TGM2: variants seen among roughly 807,000 people sequenced by gnomAD.
TGM2 encodes protein-glutamine gamma-glutamyltransferase 2.
In TGM2, 53 loss-of-function variants were observed where a neutral mutation model predicts 75.6. The ratio of observed to expected loss-of-function variants is 0.70; its 90% CI spans 0.56 to 0.88. TGM2 has a LOEUF of 0.88. TGM2 is among the 40% of genes least tolerant of loss of function. The pLI, the probability that TGM2 is intolerant of heterozygous loss-of-function variation, is 0.00. For synonymous variants in TGM2, 374 were observed against 381.1 expected (o/e 0.98, Z 0.22); for missense variants, 842 against 928.5 (o/e 0.91, Z 1.21).
At chr20:38,165,973 C>A (rs1600528730), upstream of TGM2, among the ~76,000 whole-genome samples, 1 of 146,156 alleles carries the variant, frequency 6.8e-6, no homozygotes, top group Admixed American at 6.8e-5. Context: ...TCCAGAGGCA[C>A]CTGGCACACA....
chr20:38,132,724 G>A (rs921044347), intron 10 of TGM2: 10 of 667,864 alleles, frequency 1.5e-5, no homozygotes, highest in Non-Finnish European at 2.4e-5. Context: ...GGACTCCCAC[G>A]GGCCTTGGTT....
intron 1 of TGM2, among the ~76,000 whole-genome samples, chr20:38,162,981 T>A (rs1310181885): frequency 6.6e-6 from 1 of 152,200 alleles, no homozygotes; most frequent in Non-Finnish European, 1.5e-5. Flanking sequence ...CCTGGATAAG[T>A]GTCTCTCCCT....
rs796627650 is a variant in TGM2 at position 38,129,796 on chromosome 20, T to C, written c.*423A>G. ...TGCAGTCATGGGAAGAGGTACGGGA[T>C]GCAGTCTAGGGAGCTGGATTCCCTG... is the stretch of plus-strand genomic sequence containing the variant. On this transcript the variant is annotated 3_prime_UTR_variant, in exon 13 of 13. Transcript: ENST00000361475. The C allele has an allele frequency of 5.2e-6, 1 of 192,722 alleles. No homozygotes were observed. Among genetic ancestry groups the C allele is most frequent in the African/African-American group, 2.3e-5 (1 of 42,954 alleles). 11.9% of individuals were successfully genotyped at this position (192,722 alleles called of 1,614,324 possible). A position where few individuals can be genotyped will look rare whatever the true frequency, so the allele number is the denominator to read the frequency against.
intron 3 of TGM2, among the ~76,000 whole-genome samples, chr20:38,153,943 A>G (rs1360948028): frequency 6.6e-6 from 1 of 152,190 alleles, no homozygotes; most frequent in African/African-American, 2.4e-5. Context: ...TAACCTCCTG[A>G]GTAGTTGGGA....
chr20:38,140,793 T>G (rs2074962447), intron 8 of TGM2, among the ~76,000 whole-genome samples: 1 of 152,246 alleles, frequency 6.6e-6, no homozygotes, highest in Admixed American at 6.5e-5. Context: ...TGGTTTTCTT[T>G]GTAACGCTAT....
intron 6 of TGM2, among the ~76,000 whole-genome samples, chr20:38,142,824 G>T (rs1415827137): frequency 6.6e-6 from 1 of 152,258 alleles, no homozygotes; most frequent in African/African-American, 2.4e-5. Flanking sequence ...GCCCTGCAGG[G>T]TCTGGCCCCT....
In TGM2 at chr20:38,131,294, C is replaced by T. The variant is rs577700727; in HGVS notation, c.1777-65G>A. The stretch of plus-strand genomic sequence containing the variant: ...ATCCAGGCTGGGCTGTCTGCATTCA[C>T]TGCAATTTGGCCCAATATTTGCTGA... On this transcript the variant is annotated intron_variant, in intron 11 of 12. Coordinates refer to ENST00000361475, the MANE Select transcript of TGM2 (RefSeq NM_004613.4). 17 of 1,607,728 alleles carry T rather than the reference C, an allele frequency of 1.1e-5. No individual in the cohort carries two copies. In the African/African-American group the frequency reaches 2.3e-4, roughly 21 times the overall value.
intron 4 of TGM2, among the ~76,000 whole-genome samples, chr20:38,149,693 A>AAAAAAAAAAAAAAAAC (rs1568695310): frequency 6.8e-6 from 1 of 148,014 alleles, no homozygotes; most frequent in African/African-American, 2.6e-5. Flanking sequence ...AAAAAAAAAA[A>AAAAAAAAAAAAAAAAC]AAAAAAAACA....
At chr20:38,167,706 C>T (rs2075322075), upstream of TGM2, among the ~76,000 whole-genome samples, 1 of 152,130 alleles carries the variant, frequency 6.6e-6, no homozygotes, top group African/African-American at 2.4e-5. Flanking sequence ...CACCAGCCCC[C>T]AAAAGTGTTT....
At chr20:38,150,490 A>G (rs2075103126) in intron 4 of TGM2, among the ~76,000 whole-genome samples, 1 of 152,200 alleles carries the variant, frequency 6.6e-6, no homozygotes, top group Admixed American at 6.5e-5. Flanking sequence ...TTGTTTGAAG[A>G]GCAAATTCTC....
At chr20:38,146,628 G>A (rs1254704748) in intron 6 of TGM2, 89 bp downstream of exon 6, 6 of 1,507,898 alleles carry the variant, frequency 4.0e-6, no homozygotes, top group South Asian at 3.4e-5. Flanking sequence ...CAGGGGGCAG[G>A]ACCAGGGCAG....
At chr20:38,152,997 C>T (rs1038438707) in intron 3 of TGM2, among the ~76,000 whole-genome samples, 7 of 144,508 alleles carry the variant, frequency 4.8e-5, no homozygotes, top group African/African-American at 1.8e-4. Flanking sequence ...CTAGTTGCTA[C>T]CCTCTGCAGA....
rs775628612 is a variant in TGM2, at chr20:38,163,056, C to T, written c.11-1457G>A. On this transcript the variant is annotated intron_variant, in intron 1 of 12. Transcript: ENST00000361475. ...GAGTCTAGAAGATGTGTTGGGAACC[C>T]CCTTCCCCACGGCCCAGCCCAGGAC... Among the ~76,000 whole-genome samples, 102 of 152,170 alleles carry T rather than the reference C, an allele frequency of 6.7e-4. 1 individual carries two copies. The highest frequency in any genetic ancestry group is 6.5e-4 in the Admixed American group (10 of 15,274).
chr20:38,139,752 C>A, intron 8 of TGM2, 98 bp from the exon 9 acceptor site: 1 of 1,505,268 alleles, frequency 6.6e-7, no homozygotes. Flanking sequence ...CCAAAAACCT[C>A]AAGACCACGC....
intron 3 of TGM2, among the ~76,000 whole-genome samples, chr20:38,155,346 T>C (rs1168406269): frequency 1.3e-5 from 2 of 152,118 alleles, no homozygotes; most frequent in Admixed American, 1.3e-4. Context: ...CTTCTTTTTA[T>C]TTTTATTTTT....
intron 2 of TGM2, 147 bp downstream of exon 2, chr20:38,161,273 T>G (rs1268616825): frequency 3.7e-6 from 4 of 1,095,578 alleles, no homozygotes; most frequent in Non-Finnish European, 5.3e-6. Context: ...ATCTCTAAAA[T>G]GGGGCTGATG....
rs2074807445 is a variant in TGM2, at chr20:38,130,115, G to C, written c.*104C>G. ...AGAGCCCCCATAGGCTGCCCACCCT[G>C]CCCTGGGGTCTGGGGCCCAAGAAGG... On this transcript the variant is annotated 3_prime_UTR_variant, in exon 13 of 13. Coordinates refer to ENST00000361475, the MANE Select transcript of TGM2 (RefSeq NM_004613.4). 6.6e-7 allele frequency: 1 copy of C among 1,515,850 alleles called. No homozygotes were observed. The highest frequency in any genetic ancestry group is 1.9e-5 in the Admixed American group (1 of 51,298). 93.9% of individuals were successfully genotyped at this position (1,515,850 alleles called of 1,614,324 possible). A position where few individuals can be genotyped will look rare whatever the true frequency, so the allele number is the denominator to read the frequency against.
chr20:38,152,066 G>A (rs145069821), intron 3 of TGM2, among the ~76,000 whole-genome samples: 1 of 152,272 alleles, frequency 6.6e-6, no homozygotes, highest in African/African-American at 2.4e-5. Flanking sequence ...GTAATTGAAT[G>A]TTATGACTGC....
intron 1 of TGM2, among the ~76,000 whole-genome samples, chr20:38,163,934 C>T (rs577573989): frequency 2.6e-5 from 4 of 152,274 alleles, no homozygotes; most frequent in South Asian, 2.1e-4. Context: ...CCAGAAATCA[C>T]GCCCAGCTCC....
Sources: gnomAD v4.1 joint callset for allele counts (sites outside exome capture counted in the v4.1 genomes callset) on GRCh38, gnomAD v4.1.1 for gene constraint, MANE v1.5 for transcripts, NCBI Gene and HGNC (gene_info 2026-07-23, HGNC 2026-07-21) for gene names.